The following GALNT10 variants were observed in gnomAD, a reference collection of about 807,000 sequenced individuals.
The protein encoded by GALNT10 is GalNAc transferase 10.
Under a neutral mutation model 75.0 loss-of-function variants are expected in GALNT10, and 41 were observed. That is an observed-to-expected ratio of 0.55 (90% CI 0.43 to 0.71). The LOEUF is 0.71. Among genes scored for constraint, GALNT10 ranks in the 30% least tolerant of loss-of-function variants. The pLI, the probability that GALNT10 is intolerant of heterozygous loss-of-function variation, is 0.00. For missense variants in GALNT10, 727 were observed against 818.5 expected (o/e 0.89, Z 1.36); for synonymous variants, 302 against 313.0 (o/e 0.96, Z 0.37).
chr5:154,240,760 T>C lies in GALNT10; in HGVS notation c.159+49735T>C, dbSNP rs927883649. Among the ~76,000 whole-genome samples, 23 of 152,150 alleles carry C rather than the reference T, an allele frequency of 1.5e-4. 1 individual carries two copies. Among genetic ancestry groups the C allele is most frequent in the Middle Eastern group, 3.2e-3 (1 of 316 alleles). ...GTTCCTTGGATAAGGAAAGAGAAAT[T>C]CAAGGCCAGGTACACAAAACCAATG... On this transcript the variant is annotated intron_variant, in intron 1 of 11. Coordinates refer to ENST00000297107, the MANE Select transcript of GALNT10 (RefSeq NM_198321.4).
intron 1 of GALNT10, chr5:154,217,961 A>T: frequency 7.2e-6 from 7 of 966,400 alleles, no homozygotes; most frequent in Non-Finnish European, 8.6e-6. Flanking sequence ...CTGAATAAAA[A>T]TGTTGGGGTA....
intron 1 of GALNT10, among the ~76,000 whole-genome samples, chr5:154,260,238 A>G (rs2443516): frequency 0.24 from 37,180 of 152,104 alleles, 5,528 homozygotes; most frequent in African/African-American, 0.42. Context: ...CTCCCAAAAA[A>G]ACCCACCCTT....
chr5:154,206,171 G>T (rs1466061817), intron 1 of GALNT10, among the ~76,000 whole-genome samples: 1 of 152,104 alleles, frequency 6.6e-6, no homozygotes, highest in East Asian at 1.9e-4. Flanking sequence ...CTCTCTTTCT[G>T]TGGAGGATTA....
At position 154,351,730 on chromosome 5, in the gene GALNT10, C is replaced by T. The variant is rs992968802; in HGVS notation, c.568+21992C>T. 5.9e-5 allele frequency among the ~76,000 whole-genome samples: 9 copies of T among 152,332 alleles called. 1 individual carries two copies. The highest frequency in any genetic ancestry group is 5.9e-4 in the Admixed American group (9 of 15,302). Reference sequence around the variant, plus strand: ...CTTTGGGTACCTTACCTGATCCCCACAGCAATCCTATGGGTTTGGCCATCT... The same window carrying T: ...CTTTGGGTACCTTACCTGATCCCCATAGCAATCCTATGGGTTTGGCCATCT... On this transcript the variant is annotated intron_variant, in intron 4 of 11. Coordinates refer to ENST00000297107, the MANE Select transcript of GALNT10 (RefSeq NM_198321.4).
chr5:154,341,162 TGTAAA>T (rs113989732), intron 4 of GALNT10, among the ~76,000 whole-genome samples: 7,592 of 152,306 alleles, frequency 0.05, 481 homozygotes, highest in African/African-American at 0.15. Context: ...CATTAGTTCC[TGTAAA>T]GTATTCACAG....
intron 6 of GALNT10, among the ~76,000 whole-genome samples, chr5:154,385,638 T>C (rs1284049673): frequency 6.6e-6 from 1 of 152,222 alleles, no homozygotes; most frequent in Non-Finnish European, 1.5e-5. Flanking sequence ...AGGACTCTCA[T>C]TGACCTCGAG....
chr5:154,205,624 T>C (rs1256535142), intron 1 of GALNT10, among the ~76,000 whole-genome samples: 1 of 152,154 alleles, frequency 6.6e-6, no homozygotes, highest in Non-Finnish European at 1.5e-5. Flanking sequence ...TGGAAATAGG[T>C]TTGTTGCAAA....
chr5:154,303,463 C>T (rs759598746), intron 3 of GALNT10, among the ~76,000 whole-genome samples: 4 of 152,158 alleles, frequency 2.6e-5, no homozygotes, highest in Non-Finnish European at 5.9e-5. Flanking sequence ...CAGCACCTGC[C>T]GTGAGGAAGC....
intron 1 of GALNT10, among the ~76,000 whole-genome samples, chr5:154,222,708 C>A (rs1355338597): frequency 6.6e-6 from 1 of 152,134 alleles, no homozygotes; most frequent in Non-Finnish European, 1.5e-5. Flanking sequence ...TTACATTCTG[C>A]CATGAAGAGC....
intron 4 of GALNT10, among the ~76,000 whole-genome samples, chr5:154,353,991 T>G (rs952946054): frequency 7.9e-5 from 12 of 152,136 alleles, no homozygotes; most frequent in African/African-American, 2.9e-4. Context: ...CATCATTAAG[T>G]GTTGAATTAA....
In GALNT10 at chr5:154,380,541, C is replaced by T; in HGVS notation, c.848C>T (p.Ala283Val). The T allele has an allele frequency of 3.7e-6, 6 of 1,613,410 alleles. No homozygotes were observed. The highest frequency in any genetic ancestry group is 4.2e-6 in the Non-Finnish European group (5 of 1,179,382). Residue 283 changes from alanine (A) to valine (V), a missense_variant, in exon 6 of 12, where the codon GCC (alanine) becomes GTC (valine). By Grantham distance (64) the Ala-to-Val change is moderately conservative (BLOSUM62 0). Transcript: ENST00000297107. ...DFRYETQAGD[A>V]MRGAFDWEMY... ...CGGTACGAGACACAGGCAGGGGATG[C>T]CATGCGGGGAGCCTTTGACTGGGAG...
At chr5:154,345,947 A>ATTTTTTTTTTTTTTTTTTTTTTTTT (rs70978537) in intron 4 of GALNT10, among the ~76,000 whole-genome samples, 1 of 65,414 alleles carries the variant, frequency 1.5e-5, no homozygotes. Flanking sequence ...CACCCGCCTA[A>ATTTTTTTTTTTTTTTTTTTTTTTTT]TTTTTTTTTT....
intron 1 of GALNT10, among the ~76,000 whole-genome samples, chr5:154,225,908 T>C (rs1753056105): frequency 6.6e-6 from 1 of 152,142 alleles, no homozygotes; most frequent in Non-Finnish European, 1.5e-5. Flanking sequence ...GCCATTGTTT[T>C]CACTCATAGG....
chr5:154,411,005 A>C (rs1354482953), intron 9 of GALNT10, among the ~76,000 whole-genome samples: 3 of 152,228 alleles, frequency 2.0e-5, no homozygotes, highest in Admixed American at 2.0e-4. Context: ...GAGGCAGACC[A>C]GTCTTTGCAA....
At position 154,401,847 on chromosome 5, in the gene GALNT10, G is replaced by A. The variant is rs181083009; in HGVS notation, c.1057-2257G>A. Among the ~76,000 whole-genome samples, 5 of 152,244 alleles carry A rather than the reference G, an allele frequency of 3.3e-5. No homozygotes were observed. The East Asian group carries it at 7.7e-4, about 24-fold the overall frequency. On this transcript the variant is annotated intron_variant, in intron 7 of 11. Coordinates refer to ENST00000297107, the MANE Select transcript of GALNT10 (RefSeq NM_198321.4). ...GAAGCCCAATCCCCACGACCTCATC[G>A]AGCAGTTCCAACTGAAAAGAGCACT...
intron 3 of GALNT10, among the ~76,000 whole-genome samples, chr5:154,303,367 A>G (rs997736386): frequency 5.3e-5 from 8 of 152,308 alleles, no homozygotes; most frequent in South Asian, 4.1e-4. Flanking sequence ...AGTTCAGAGG[A>G]CACAGTACTG....
intron 4 of GALNT10, among the ~76,000 whole-genome samples, chr5:154,332,234 CA>C (rs958030367): frequency 2.0e-4 from 30 of 152,218 alleles, no homozygotes; most frequent in Non-Finnish European, 3.2e-4. Context: ...CACCTGGGGA[CA>C]AACACCTGAG....
At chr5:154,331,784 AGT>A (rs1184234626) in intron 4 of GALNT10, among the ~76,000 whole-genome samples, 1 of 152,160 alleles carries the variant, frequency 6.6e-6, no homozygotes, top group African/African-American at 2.4e-5. Flanking sequence ...CTGAGCAAAC[AGT>A]CTCTGGTCTC....
intron 1 of GALNT10, among the ~76,000 whole-genome samples, chr5:154,260,472 G>T (rs1753685201): frequency 6.6e-6 from 1 of 152,178 alleles, no homozygotes; most frequent in African/African-American, 2.4e-5. Flanking sequence ...GAGGTTTCTG[G>T]CTGAGCCTTT....
Sources: gnomAD v4.1 joint callset for allele counts (sites outside exome capture counted in the v4.1 genomes callset) on GRCh38, gnomAD v4.1.1 for gene constraint, MANE v1.5 for transcripts, NCBI Gene and HGNC (gene_info 2026-07-23, HGNC 2026-07-21) for gene names.